The following MICAL2 variants were observed in gnomAD, a reference collection of about 807,000 sequenced individuals.
MICAL2 encodes the protein microtubule associated monooxygenase, calponin and LIM domain containing 2.
In MICAL2, 77 loss-of-function variants were observed where a neutral mutation model predicts 127.3. The observed-to-expected ratio is 0.60, with a 90% CI of 0.50 to 0.73. The LOEUF (loss-of-function observed/expected upper bound fraction) is 0.73. MICAL2 is among the 30% of genes least tolerant of loss of function. The probability of loss-of-function intolerance (pLI) is 0.00; values close to 1 mark genes in which losing one functional copy is unlikely to be tolerated. For synonymous variants in MICAL2, 570 were observed against 551.1 expected, an observed-to-expected ratio of 1.03 and a Z score of -0.48; for missense variants, 1,351 against 1,434.4, an observed-to-expected ratio of 0.94 and a Z score of 0.94.
At chr11:12,224,434 T>G in intron 12 of MICAL2, 3 of 522,164 alleles carry the variant, frequency 5.7e-6, no homozygotes, top group Non-Finnish European at 6.9e-6. Flanking sequence ...ACACAGTAGG[T>G]CTTAGGAACT....
At chr11:12,319,830 C>T (rs1864272866) in intron 30 of MICAL2, 3 of 1,585,140 alleles carry the variant, frequency 1.9e-6, no homozygotes, top group Admixed American at 3.3e-5. Context: ...ACTTGACCAG[C>T]CAAAGAGGGC....
At chr11:12,302,909 A>G (rs1864064052) in intron 29 of MICAL2, among the ~76,000 whole-genome samples, 2 of 152,166 alleles carry the variant, frequency 1.3e-5, no homozygotes, top group African/African-American at 4.8e-5. Context: ...AATACCTGAG[A>G]CTGCATAATT....
At chr11:12,315,054 A>G (rs574944081) in intron 29 of MICAL2, among the ~76,000 whole-genome samples, 2 of 152,244 alleles carry the variant, frequency 1.3e-5, no homozygotes, top group East Asian at 1.9e-4. Context: ...TAATTCTGCC[A>G]GGTTTTGTTT....
chr11:12,202,048 G>C (rs1406073351), intron 3 of MICAL2, among the ~76,000 whole-genome samples: 1 of 152,094 alleles, frequency 6.6e-6, no homozygotes, highest in Non-Finnish European at 1.5e-5. Flanking sequence ...CTTGAACCCA[G>C]GAGACAGAGG....
At chr11:12,332,080 C>A (rs1027904055) in intron 32 of MICAL2, among the ~76,000 whole-genome samples, 3 of 152,114 alleles carry the variant, frequency 2.0e-5, no homozygotes, top group Non-Finnish European at 4.4e-5. Flanking sequence ...CCACCGCCCC[C>A]AAAAAACAGT....
intron 1 of MICAL2, among the ~76,000 whole-genome samples, chr11:12,134,437 G>A (rs1851677110): frequency 6.6e-6 from 1 of 152,186 alleles, no homozygotes; most frequent in Admixed American, 6.5e-5. Context: ...GCACAGGGCT[G>A]GGCTGCTCGC....
chr11:12,178,572 C>T (rs1857091152), intron 3 of MICAL2, among the ~76,000 whole-genome samples: 1 of 152,058 alleles, frequency 6.6e-6, no homozygotes, highest in South Asian at 2.1e-4. Context: ...TTTAAGTTGG[C>T]ATAAAGAAAT....
At chr11:12,341,092 T>G (rs1036513180) in intron 32 of MICAL2, among the ~76,000 whole-genome samples, 3 of 152,066 alleles carry the variant, frequency 2.0e-5, no homozygotes, top group Non-Finnish European at 4.4e-5. Context: ...GAAACTTGAA[T>G]GAAACAGGTC....
chr11:12,320,904 C>G (rs903919426), intron 30 of MICAL2, among the ~76,000 whole-genome samples: 3 of 152,018 alleles, frequency 2.0e-5, no homozygotes, highest in African/African-American at 7.2e-5. Context: ...AATGGTGTCC[C>G]TGATTAATTC....
chr11:12,336,387 T>C (rs1014932251), intron 32 of MICAL2, among the ~76,000 whole-genome samples: 2 of 152,260 alleles, frequency 1.3e-5, no homozygotes, highest in African/African-American at 4.8e-5. Context: ...TATACAATCA[T>C]GTCATCTGCA....
chr11:12,242,183 G>A (rs1438134695), intron 18 of MICAL2, 31 bp from the exon 19 acceptor site: 2 of 1,559,152 alleles, frequency 1.3e-6, no homozygotes, highest in South Asian at 1.2e-5. Flanking sequence ...GCCGCAGTAG[G>A]GAAGGAAGCT....
At position 12,204,405 on chromosome 11, in the gene MICAL2, G is replaced by T. The variant is rs749108593; in HGVS notation, c.420G>T (p.Leu140=). 29 of 1,614,034 alleles carry T rather than the reference G, an allele frequency of 1.8e-5. No homozygotes were observed. The highest frequency in any genetic ancestry group is 2.1e-5 in the Non-Finnish European group (25 of 1,180,024). ...TCACCATCCATGACCTTCGTGGCCT[G>T]GGAGCCAAGAAGTTCTATGGGAAGT... ...WPFTIHDLRG[L]GAKKFYGKFC... The change falls in exon 4 of 28, where the codon CTG becomes CTT. Residue 140 remains leucine, a synonymous_variant. Transcript: ENST00000683283.
chr11:12,150,476 T>G (rs2133712578), intron 2 of MICAL2, among the ~76,000 whole-genome samples: 1 of 151,612 alleles, frequency 6.6e-6, no homozygotes, highest in East Asian at 1.9e-4. Flanking sequence ...ATAGGGGATC[T>G]TTGGGGGACA....
At chr11:12,235,607 T>G (rs1490174552) in intron 15 of MICAL2, among the ~76,000 whole-genome samples, 1 of 152,230 alleles carries the variant, frequency 6.6e-6, no homozygotes, top group Non-Finnish European at 1.5e-5. Context: ...CTAGGATCTG[T>G]GATGGTGAGT....
At chr11:12,231,021 C>A (rs1858185881) in intron 15 of MICAL2, among the ~76,000 whole-genome samples, 1 of 152,182 alleles carries the variant, frequency 6.6e-6, no homozygotes, top group South Asian at 2.1e-4. Context: ...TTCCTGGGGG[C>A]TCCAGGGCTC....
In MICAL2 at chr11:12,255,707, T is replaced by C. The variant is rs777219011; in HGVS notation, c.2912T>C (p.Met971Thr). Residue 971 changes from methionine (M) to threonine (T), a missense_variant, in exon 23 of 28, where the codon ATG becomes ACG. Met to Thr is a moderately conservative substitution (Grantham distance 81). Around this residue, in one of 2 missense-constraint regions of MICAL2, gnomAD observed 752 missense variants for 719.4 expected, o/e 1.05. Transcript: ENST00000683283. ...GCTGAAGTCCTGGTCAATCTGTACATGAATGATCACAGACCTAAGGCCCAG... is the reference window on the plus strand; with the variant it reads ...GCTGAAGTCCTGGTCAATCTGTACACGAATGATCACAGACCTAAGGCCCAG... ...AAAEVLVNLY[M>T]NDHRPKAQAT... 3 of 1,613,984 alleles carry C rather than the reference T, an allele frequency of 1.9e-6. No individual in the cohort carries two copies. Among genetic ancestry groups the C allele is most frequent in the African/African-American group, 1.3e-5 (1 of 74,922 alleles).
chr11:12,143,861 A>T (rs1212531277), intron 2 of MICAL2, among the ~76,000 whole-genome samples: 2 of 152,200 alleles, frequency 1.3e-5, no homozygotes, highest in African/African-American at 4.8e-5. Context: ...CAGGAAGTAG[A>T]TTATTTGTCA....
At chr11:12,196,753 A>T (rs1236346859) in intron 3 of MICAL2, among the ~76,000 whole-genome samples, 1 of 151,642 alleles carries the variant, frequency 6.6e-6, no homozygotes, top group Non-Finnish European at 1.5e-5. Flanking sequence ...TAAAGTCCAA[A>T]CTCTTCAGTC....
At chr11:12,294,242 C>T (rs368001208), downstream of MICAL2, 89 of 1,614,142 alleles carry the variant, frequency 5.5e-5, no homozygotes, top group African/African-American at 3.9e-4. Flanking sequence ...GTCCCCACTG[C>T]GGCTCATAGC....
Sources: allele counts gnomAD v4.1 joint callset (sites outside exome capture counted in the v4.1 genomes callset), GRCh38; gene constraint gnomAD v4.1.1; regional missense constraint gnomAD v4.1.1; transcripts MANE v1.5; gene names NCBI Gene and HGNC (gene_info 2026-07-23, HGNC 2026-07-21).